Variants in DOK6 observed in about 807,000 individuals in gnomAD.
DOK6 encodes docking protein 6.
In DOK6, 22 loss-of-function variants were observed where a neutral mutation model predicts 44.0. That is an observed-to-expected ratio of 0.50 (90% CI 0.36 to 0.71). The LOEUF is 0.71. Among genes scored for constraint, DOK6 ranks in the 30% least tolerant of loss-of-function variants. The pLI is 0.00. For missense variants in DOK6, 340 were observed against 416.4 expected (o/e 0.82, Z 1.60); for synonymous variants, 166 against 145.5 (o/e 1.14, Z -1.01).
Position 69,592,539 on chromosome 18 carries a change from A to G in DOK6, c.175-6845A>G, listed in dbSNP as rs147319831. 1.1e-3 allele frequency among the ~76,000 whole-genome samples: 163 copies of G among 152,210 alleles called. 5 individuals carry two copies. In the South Asian group the frequency reaches 0.023, roughly 21 times the overall value. On this transcript the variant is annotated intron_variant, in intron 2 of 7. Transcript: ENST00000382713. ...GTTAGCAGTGTTGTCATTTAGGTAA[A>G]TTTATACTTAGGCATTAGTCTTGTC...
intron 1 of DOK6, among the ~76,000 whole-genome samples, chr18:69,430,867 G>A (rs1978786712): frequency 6.6e-6 from 1 of 152,168 alleles, no homozygotes; most frequent in Admixed American, 6.5e-5. Flanking sequence ...TAGGGAGGCT[G>A]AGGCAGGAGG....
chr18:69,480,445 T>C (rs920501809), intron 1 of DOK6, among the ~76,000 whole-genome samples: 1 of 152,164 alleles, frequency 6.6e-6, no homozygotes, highest in Non-Finnish European at 1.5e-5. Context: ...AATTAATCTA[T>C]AGAAATGAGG....
At chr18:69,464,984 A>G (rs373298972) in intron 1 of DOK6, among the ~76,000 whole-genome samples, 1 of 152,352 alleles carries the variant, frequency 6.6e-6, no homozygotes. Flanking sequence ...GCATCTTTAC[A>G]TATTGTAATT....
intron 5 of DOK6, among the ~76,000 whole-genome samples, chr18:69,726,482 T>C (rs1978308143): frequency 1.3e-5 from 2 of 152,272 alleles, no homozygotes; most frequent in Middle Eastern, 3.4e-3. Flanking sequence ...CGCGTGTGAA[T>C]GACCACAGCA....
At chr18:69,583,201 C>T (rs1018827287) in intron 2 of DOK6, among the ~76,000 whole-genome samples, 1 of 152,164 alleles carries the variant, frequency 6.6e-6, no homozygotes, top group Non-Finnish European at 1.5e-5. Flanking sequence ...CTCACATTCT[C>T]ATTGATGCCT....
intron 1 of DOK6, among the ~76,000 whole-genome samples, chr18:69,453,149 T>TA: frequency 1.0e-5 from 1 of 95,658 alleles, no homozygotes; most frequent in East Asian, 3.2e-4. Flanking sequence ...CATGATTGTT[T>TA]ATCTAGAAAA....
At chr18:69,539,090 A>G (rs2144579576) in intron 1 of DOK6, among the ~76,000 whole-genome samples, 1 of 152,324 alleles carries the variant, frequency 6.6e-6, no homozygotes, top group East Asian at 1.9e-4. Context: ...ACTAAGAGAC[A>G]TCCCTGCCTT....
chr18:69,700,250 GT>G (rs1407265408), intron 5 of DOK6, among the ~76,000 whole-genome samples: 2 of 97,972 alleles, frequency 2.0e-5, no homozygotes, highest in Non-Finnish European at 4.6e-5. Context: ...GAATGTTGTT[GT>G]TAAGGTTTTG....
intron 5 of DOK6, among the ~76,000 whole-genome samples, chr18:69,710,599 G>A (rs758381983): frequency 2.0e-5 from 3 of 152,240 alleles, no homozygotes; most frequent in Non-Finnish European, 2.9e-5. Flanking sequence ...CTTTTGACCC[G>A]AGGAGATATT....
intron 7 of DOK6, among the ~76,000 whole-genome samples, chr18:69,810,397 C>T (rs1482004779): frequency 6.6e-6 from 1 of 151,790 alleles, no homozygotes; most frequent in East Asian, 1.9e-4. Context: ...ATGATATTGG[C>T]CTATGCAATG....
chr18:69,755,132 G>A (rs995162912), intron 6 of DOK6, among the ~76,000 whole-genome samples: 7 of 152,078 alleles, frequency 4.6e-5, no homozygotes, highest in African/African-American at 1.2e-4. Context: ...CCTAGAACAC[G>A]AAAACAATGA....
intron 2 of DOK6, among the ~76,000 whole-genome samples, chr18:69,572,601 A>G (rs987113350): frequency 6.6e-6 from 1 of 152,034 alleles, no homozygotes; most frequent in African/African-American, 2.4e-5. Flanking sequence ...GACAGAGAAG[A>G]AAAAGAAGAT....
intron 1 of DOK6, among the ~76,000 whole-genome samples, chr18:69,452,096 A>G (rs1476291745): frequency 1.3e-5 from 2 of 151,840 alleles, no homozygotes; most frequent in Non-Finnish European, 2.9e-5. Flanking sequence ...GACACAAAAA[A>G]CCCTTCAAAA....
chr18:69,840,117 G>T lies in DOK6; in HGVS notation c.857-1127G>T, dbSNP rs139134905. Reference sequence around the variant, plus strand: ...ACGTCGCCAAACACACCTGGCAATAGAACAGGCTGAAAGCGAGTGACATTG... The same window carrying T: ...ACGTCGCCAAACACACCTGGCAATATAACAGGCTGAAAGCGAGTGACATTG... On this transcript the variant is annotated intron_variant, in intron 7 of 7. Transcript: ENST00000382713. Among the ~76,000 whole-genome samples the T allele has an allele frequency of 3.0e-3, 453 of 152,290 alleles. 3 individuals carry two copies. The highest frequency in any genetic ancestry group is 9.7e-3 in the African/African-American group (403 of 41,554).
intron 1 of DOK6, among the ~76,000 whole-genome samples, chr18:69,442,291 A>G (rs1483862067): frequency 1.3e-5 from 2 of 152,158 alleles, no homozygotes; most frequent in African/African-American, 4.8e-5. Flanking sequence ...TCACGCTGCT[A>G]TAAGGACATA....
At chr18:69,435,037 A>AGGAAGGAAGGAC (rs1978930833) in intron 1 of DOK6, among the ~76,000 whole-genome samples, 5 of 78,314 alleles carry the variant, frequency 6.4e-5, no homozygotes, top group Non-Finnish European at 1.4e-4. Flanking sequence ...GAAGGAAGGA[A>AGGAAGGAAGGAC]GGAAGGAAGG....
chr18:69,401,281 T>A lies in DOK6; in HGVS notation c.37T>A (p.Tyr13Asn), dbSNP rs746875087. ...CTTTAACGACATAGTCAAGCAGGGCTACGTGAAAATCCGCAGCAGGAAGCT... is the reference window on the plus strand; with the variant it reads ...CTTTAACGACATAGTCAAGCAGGGCAACGTGAAAATCCGCAGCAGGAAGCT... ...SNFNDIVKQGYVKIRSRKLGI... is the reference protein window; with the variant it reads ...SNFNDIVKQGNVKIRSRKLGI... The change falls in exon 1 of 8, where the codon TAC becomes AAC. Residue 13 changes from tyrosine to asparagine, a missense_variant. Physicochemically the swap from Tyr to Asn is moderately radical, Grantham distance 143. This residue lies in a region of DOK6 where 206 missense variants were observed against 258.6 expected (regional missense o/e 0.80). Coordinates refer to ENST00000382713, the MANE Select transcript of DOK6 (RefSeq NM_152721.6). 1 of 1,584,924 alleles carries A rather than the reference T, an allele frequency of 6.3e-7. No homozygotes were observed.
chr18:69,526,314 A>G (rs1361275857), intron 1 of DOK6, among the ~76,000 whole-genome samples: 1 of 152,180 alleles, frequency 6.6e-6, no homozygotes, highest in African/African-American at 2.4e-5. Flanking sequence ...GACATTTCAT[A>G]TAAATGGAAT....
chr18:69,791,799 T>C (rs193171213), intron 7 of DOK6, among the ~76,000 whole-genome samples: 44 of 152,292 alleles, frequency 2.9e-4, no homozygotes, highest in Admixed American at 2.5e-3. Context: ...TCTGTGTTTG[T>C]GGGGTATTAC....
Sources: allele counts gnomAD v4.1 joint callset (sites outside exome capture counted in the v4.1 genomes callset), GRCh38; gene constraint gnomAD v4.1.1; regional missense constraint gnomAD v4.1.1; transcripts MANE v1.5; gene names NCBI Gene and HGNC (gene_info 2026-07-23, HGNC 2026-07-21).